The following FARS2 variants were observed in gnomAD, a reference collection of about 807,000 sequenced individuals.
FARS2 encodes phenylalanyl-tRNA synthetase 2, mitochondrial.
A neutral mutation model predicts 46.4 loss-of-function variants in FARS2; 40 were observed. The observed-to-expected ratio is 0.86, with a 90% CI of 0.67 to 1.12. The LOEUF is 1.12. Ranked by LOEUF, FARS2 falls within the 50% of genes most tolerant of loss-of-function variation. The pLI, the probability that FARS2 is intolerant of heterozygous loss-of-function variation, is 0.00. For missense variants in FARS2, 513 were observed against 567.9 expected, an observed-to-expected ratio of 0.90 and a Z score of 0.98; for synonymous variants, 234 against 214.9, an observed-to-expected ratio of 1.09 and a Z score of -0.78.
At chr6:5,309,878 T>C (rs1349176426) in intron 1 of FARS2, among the ~76,000 whole-genome samples, 2 of 152,124 alleles carry the variant, frequency 1.3e-5, no homozygotes, top group African/African-American at 4.8e-5. Context: ...AAAATCAAAT[T>C]GTGAGAATAA....
intron 4 of FARS2, among the ~76,000 whole-genome samples, chr6:5,473,615 G>C (rs140545103): frequency 6.7e-5 from 10 of 150,250 alleles, no homozygotes; most frequent in African/African-American, 2.4e-4. Flanking sequence ...AGAAAACATT[G>C]AATTATATTT....
chr6:5,749,589 G>GC, intron 6 of FARS2, among the ~76,000 whole-genome samples: 1 of 152,200 alleles, frequency 6.6e-6, no homozygotes, highest in Non-Finnish European at 1.5e-5. Flanking sequence ...TCAGACCCTG[G>GC]CCCGTGCCTT....
chr6:5,296,202 T>C (rs1005121249), intron 1 of FARS2, among the ~76,000 whole-genome samples: 15 of 117,214 alleles, frequency 1.3e-4, no homozygotes, highest in Non-Finnish European at 2.1e-4. Context: ...AGTGCAGTGG[T>C]GGGATCTCAG....
chr6:5,305,677 C>T (rs920682807), intron 1 of FARS2, among the ~76,000 whole-genome samples: 31 of 152,218 alleles, frequency 2.0e-4, no homozygotes, highest in Admixed American at 7.2e-4. Context: ...AAGTTGGGTC[C>T]TGATTCCTGG....
chr6:5,276,847 C>A (rs1426130702), intron 1 of FARS2, among the ~76,000 whole-genome samples: 2 of 152,178 alleles, frequency 1.3e-5, no homozygotes, highest in African/African-American at 4.8e-5. Context: ...ACTTGGCTGA[C>A]CCCAAAGATT....
chr6:5,340,514 A>C (rs1245860559), intron 1 of FARS2, among the ~76,000 whole-genome samples: 3 of 152,194 alleles, frequency 2.0e-5, no homozygotes, highest in Non-Finnish European at 2.9e-5. Flanking sequence ...ACGAGCCCGT[A>C]AAGTTTGAAG....
intron 1 of FARS2, among the ~76,000 whole-genome samples, chr6:5,264,868 G>A (rs572146718): frequency 6.6e-6 from 1 of 151,838 alleles, no homozygotes; most frequent in Non-Finnish European, 1.5e-5. Context: ...ATCATATCTC[G>A]TTGTAACTTC....
chr6:5,308,075 G>A (rs1479325469), intron 1 of FARS2, among the ~76,000 whole-genome samples: 1 of 152,178 alleles, frequency 6.6e-6, no homozygotes, highest in Non-Finnish European at 1.5e-5. Context: ...GGCCACGGAT[G>A]TGAGAATTTT....
chr6:5,591,726 C>T (rs1773929069), intron 5 of FARS2, among the ~76,000 whole-genome samples: 2 of 152,222 alleles, frequency 1.3e-5, no homozygotes, highest in Admixed American at 1.3e-4. Context: ...ATCATCAACT[C>T]ACATAGCCCC....
At chr6:5,267,595 A>T (rs9502284) in intron 1 of FARS2, among the ~76,000 whole-genome samples, 8,079 of 151,972 alleles carry the variant, frequency 0.053, 398 homozygotes, top group African/African-American at 0.13. Context: ...CTAAAAAAAT[A>T]CAAAAAAAAT....
chr6:5,620,804 G>A, intron 6 of FARS2, among the ~76,000 whole-genome samples: 1 of 152,244 alleles, frequency 6.6e-6, no homozygotes, highest in Non-Finnish European at 1.5e-5. Flanking sequence ...AGAGGCAGTT[G>A]GTGGATGGGC....
chr6:5,254,660 G>A, the FARS2 span, among the ~76,000 whole-genome samples: 11 of 152,026 alleles, frequency 7.2e-5, no homozygotes, highest in Non-Finnish European at 1.6e-4. Flanking sequence ...CTTATCTCCC[G>A]CTTAACCCAG....
chr6:5,335,872 G>A (rs576200486), intron 1 of FARS2, among the ~76,000 whole-genome samples: 25 of 152,324 alleles, frequency 1.6e-4, no homozygotes, highest in African/African-American at 4.8e-4. Context: ...GACGATATGT[G>A]TAGTAGATAG....
intron 1 of FARS2, among the ~76,000 whole-genome samples, chr6:5,324,714 A>G (rs999347433): frequency 2.0e-5 from 3 of 152,138 alleles, no homozygotes; most frequent in Non-Finnish European, 4.4e-5. Flanking sequence ...GCTGTTTACT[A>G]CCACAACTTG....
At chr6:5,584,208 C>T (rs569124147) in intron 5 of FARS2, among the ~76,000 whole-genome samples, 2 of 151,814 alleles carry the variant, frequency 1.3e-5, no homozygotes, top group Admixed American at 6.6e-5. Context: ...AAGAAGTTGG[C>T]GTAGAGTCAG....
At chr6:5,444,515 G>GAA (rs1293348076) in intron 4 of FARS2, among the ~76,000 whole-genome samples, 3 of 111,350 alleles carry the variant, frequency 2.7e-5, no homozygotes, top group Admixed American at 8.8e-5. Flanking sequence ...AGAGAGAGAG[G>GAA]AAAAAATCTT....
chr6:5,291,646 A>G (rs60489951), intron 1 of FARS2, among the ~76,000 whole-genome samples: 16,615 of 152,194 alleles, frequency 0.11, 1,662 homozygotes, highest in African/African-American at 0.26. Context: ...GCATATGCCT[A>G]TAGTCTCAGC....
chr6:5,355,697 A>C (rs139904329), intron 1 of FARS2, among the ~76,000 whole-genome samples: 73 of 151,866 alleles, frequency 4.8e-4, no homozygotes, highest in Middle Eastern at 3.4e-3. Context: ...AGTGGTCATA[A>C]TATTCACATA....
At chr6:5,643,207 G>A (rs948700754) in intron 6 of FARS2, among the ~76,000 whole-genome samples, 7 of 152,230 alleles carry the variant, frequency 4.6e-5, no homozygotes, top group Admixed American at 1.3e-4. Context: ...GGGAGCAAAT[G>A]TACGTGGGTG....
Sources: allele counts gnomAD v4.1 joint callset (sites outside exome capture counted in the v4.1 genomes callset), GRCh38; gene constraint gnomAD v4.1.1; transcripts MANE v1.5; gene names NCBI Gene and HGNC (gene_info 2026-07-23, HGNC 2026-07-21).